ITFG1: variants seen among roughly 807,000 people sequenced by gnomAD.
ITFG1 encodes the protein T-cell immunomodulatory protein.
ITFG1 carries 34 observed loss-of-function variants against 81.8 expected under a neutral mutation model. That is an observed-to-expected ratio of 0.42 (90% CI 0.32 to 0.55). The LOEUF (loss-of-function observed/expected upper bound fraction) is 0.55, where lower values mean the gene tolerates loss of function less well. Among genes scored for constraint, ITFG1 ranks in the 20% least tolerant of loss-of-function variants. ITFG1 has a pLI of 0.17. For synonymous variants in ITFG1, 285 were observed against 270.6 expected, an observed-to-expected ratio of 1.05 and a Z score of -0.52; for missense variants, 672 against 755.4, an observed-to-expected ratio of 0.89 and a Z score of 1.29.
chr16:47,371,155 A>G (rs1245724259), intron 7 of ITFG1, among the ~76,000 whole-genome samples: 3 of 152,190 alleles, frequency 2.0e-5, no homozygotes, highest in Non-Finnish European at 2.9e-5. Flanking sequence ...ACTAATTTCA[A>G]TGACTTAAGG....
intron 10 of ITFG1, among the ~76,000 whole-genome samples, chr16:47,270,466 T>C (rs1328642185): frequency 6.6e-6 from 1 of 152,224 alleles, no homozygotes; most frequent in African/African-American, 2.4e-5. Flanking sequence ...ACCATACCGA[T>C]TTTGGAGAAA....
Position 47,287,724 on chromosome 16 carries a change from A to T in ITFG1, c.1070+23516T>A, listed in dbSNP as rs548104815. Among the ~76,000 whole-genome samples, 25 of 152,268 alleles carry T rather than the reference A, an allele frequency of 1.6e-4. 1 individual carries two copies. In the South Asian group the frequency reaches 5.2e-3, roughly 32 times the overall value. On this transcript the variant is annotated intron_variant, in intron 10 of 17. Transcript: ENST00000320640. ...GGGTTGTCTGTTTTTGATTCTGGCCATCCTAGTGAGTGTGAAGTGGTATCT... is the reference window on the plus strand; with the variant it reads ...GGGTTGTCTGTTTTTGATTCTGGCCTTCCTAGTGAGTGTGAAGTGGTATCT...
intron 8 of ITFG1, among the ~76,000 whole-genome samples, chr16:47,342,481 T>C (rs748278575): frequency 6.6e-6 from 1 of 152,050 alleles, no homozygotes; most frequent in Non-Finnish European, 1.5e-5. Flanking sequence ...CTATTCAACA[T>C]ACTGGAAATT....
intron 13 of ITFG1, among the ~76,000 whole-genome samples, chr16:47,229,220 A>T (rs1056608560): frequency 3.3e-5 from 5 of 152,148 alleles, no homozygotes; most frequent in African/African-American, 1.2e-4. Context: ...AAACAACAGA[A>T]GGTGCATCCA....
In ITFG1 at chr16:47,260,728, T is replaced by A. The variant is rs371360483; in HGVS notation, c.1071-33A>T. The A allele has an allele frequency of 5.0e-5, 80 of 1,611,062 alleles. 2 individuals carry two copies. In the South Asian group the frequency reaches 8.7e-4, roughly 17 times the overall value. On this transcript the variant is annotated intron_variant, in intron 10 of 17. Coordinates refer to ENST00000320640, the MANE Select transcript of ITFG1 (RefSeq NM_030790.5). ...CCAAAGGAAAGGCATTTCGTTAATA[T>A]AAACATCAACACTGTGGCATCGGCT...
chr16:47,409,560 C>T (rs1351364408), intron 6 of ITFG1, among the ~76,000 whole-genome samples: 5 of 148,724 alleles, frequency 3.4e-5, no homozygotes, highest in South Asian at 2.1e-4. Context: ...GGATTACAGG[C>T]GCACACCACC....
intron 6 of ITFG1, among the ~76,000 whole-genome samples, chr16:47,404,518 C>A (rs141725027): frequency 0.011 from 1,727 of 152,178 alleles, 14 homozygotes; most frequent in Middle Eastern, 0.031. Flanking sequence ...ACAGGTAGCC[C>A]CTTTGCCACT....
At chr16:47,211,921 TTTTC>T (rs1407323477) in intron 14 of ITFG1, among the ~76,000 whole-genome samples, 2 of 152,130 alleles carry the variant, frequency 1.3e-5, no homozygotes, top group African/African-American at 4.8e-5. Flanking sequence ...CACTAATTTT[TTTTC>T]TTTCTTTTTT....
intron 14 of ITFG1, among the ~76,000 whole-genome samples, chr16:47,198,824 TAAAA>T (rs1372902287): frequency 1.3e-5 from 2 of 152,106 alleles, no homozygotes; most frequent in African/African-American, 2.4e-5. Context: ...AATAAAACAT[TAAAA>T]AAAATTTTTG....
At chr16:47,190,261 A>G (rs563807287) in intron 14 of ITFG1, among the ~76,000 whole-genome samples, 109 of 152,272 alleles carry the variant, frequency 7.2e-4, no homozygotes, top group African/African-American at 2.6e-3. Context: ...TGGTACATGG[A>G]TAAAAGATGC....
Position 47,282,039 on chromosome 16 carries a change from T to G in ITFG1, c.1071-21344A>C, listed in dbSNP as rs960813865. 2.6e-5 allele frequency among the ~76,000 whole-genome samples: 4 copies of G among 152,050 alleles called. No individual in the cohort carries two copies. In the East Asian group the frequency reaches 7.8e-4, roughly 30 times the overall value. On this transcript the variant is annotated intron_variant, in intron 10 of 17. Coordinates refer to ENST00000320640, the MANE Select transcript of ITFG1 (RefSeq NM_030790.5). ...GTACAATATATACTATTTGTATACA[T>G]AGTTAATAGTTATACAATGTAATAA...
chr16:47,427,115 G>C (rs1969032716), intron 6 of ITFG1, among the ~76,000 whole-genome samples: 1 of 152,140 alleles, frequency 6.6e-6, no homozygotes, highest in Non-Finnish European at 1.5e-5. Context: ...GCAGTAGAGT[G>C]ACAGATTTAG....
chr16:47,184,702 A>C (rs1965185888), intron 14 of ITFG1, among the ~76,000 whole-genome samples: 1 of 152,182 alleles, frequency 6.6e-6, no homozygotes, highest in Non-Finnish European at 1.5e-5. Context: ...CATCGAGACT[A>C]GGAAGAAACT....
chr16:47,394,085 G>T (rs1053321384), intron 6 of ITFG1, among the ~76,000 whole-genome samples: 68 of 152,100 alleles, frequency 4.5e-4, no homozygotes. Context: ...CAGAGCAGCA[G>T]GATTTAAGAA....
chr16:47,263,450 TC>T, intron 10 of ITFG1: 1 of 397,594 alleles, frequency 2.5e-6, no homozygotes, highest in South Asian at 2.2e-5. Context: ...GATCCAAGTC[TC>T]CAGTGACAAT....
At chr16:47,222,768 T>C (rs1170992827) in intron 13 of ITFG1, among the ~76,000 whole-genome samples, 2 of 152,192 alleles carry the variant, frequency 1.3e-5, no homozygotes. Flanking sequence ...GTCTGAGAGA[T>C]AAGTTTGTTA....
intron 8 of ITFG1, among the ~76,000 whole-genome samples, chr16:47,331,535 A>G (rs1967637149): frequency 6.6e-6 from 1 of 152,318 alleles, no homozygotes; most frequent in Non-Finnish European, 1.5e-5. Context: ...GCTCCATTAC[A>G]GTGAACGTTG....
In ITFG1 at chr16:47,453,996, T is replaced by G. The variant is rs751583271; in HGVS notation, c.427+17A>C. The G allele has an allele frequency of 2.0e-6, 3 of 1,527,734 alleles. No individual in the cohort carries two copies. The South Asian group carries it at 3.6e-5, about 18-fold the overall frequency. 94.6% of individuals were successfully genotyped at this position (1,527,734 alleles called of 1,614,324 possible). ...ATATTCAATGATAAATATTAAAAAT[T>G]TTTAAAACAAATTCACCTAATGTTT... On this transcript the variant is annotated intron_variant, in intron 3 of 17. Transcript: ENST00000320640.
At chr16:47,443,664 C>T (rs1018871218) in intron 5 of ITFG1, among the ~76,000 whole-genome samples, 15 of 152,008 alleles carry the variant, frequency 9.9e-5, no homozygotes, top group East Asian at 3.9e-4. Flanking sequence ...AACCAAACAC[C>T]GCACGTTCTC....
Sources: gnomAD v4.1 joint callset for allele counts (sites outside exome capture counted in the v4.1 genomes callset) on GRCh38, gnomAD v4.1.1 for gene constraint, MANE v1.5 for transcripts, NCBI Gene and HGNC (gene_info 2026-07-23, HGNC 2026-07-21) for gene names.